The following ANK2 variants were observed in gnomAD, a reference collection of about 807,000 sequenced individuals.
The protein encoded by ANK2 is ankyrin 2.
ANK2 carries 83 observed loss-of-function variants against 360.5 expected under a neutral mutation model. That is an observed-to-expected ratio of 0.23 (90% confidence interval 0.19 to 0.28). The LOEUF is 0.28. Among genes scored for constraint, ANK2 ranks in the 10% least tolerant of loss-of-function variants. The pLI is 1.00. For missense variants in ANK2, 4,201 were observed against 4,795.7 expected (o/e 0.88, Z 3.66); for synonymous variants, 1,740 against 1,759.5 (o/e 0.99, Z 0.28).
rs115994365 is a variant in ANK2 at position 113,220,968 on chromosome 4, C to T, written c.385-11193C>T. Among the ~76,000 whole-genome samples the T allele has an allele frequency of 8.8e-3, 1,347 of 152,252 alleles. 22 individuals carry two copies. The highest frequency in any genetic ancestry group is 0.031 in the African/African-American group (1,271 of 41,540). Reference sequence around the variant, plus strand: ...AAGCTGCTTTCACGAAGTGTATAGGCTACACACAAAGTCAAGGTGAACACA... The same window carrying T: ...AAGCTGCTTTCACGAAGTGTATAGGTTACACACAAAGTCAAGGTGAACACA... On this transcript the variant is annotated intron_variant, in intron 4 of 45. Coordinates refer to ENST00000357077, the MANE Select transcript of ANK2 (RefSeq NM_001148.6).
At chr4:113,190,518 A>G (rs1345172493) in intron 2 of ANK2, among the ~76,000 whole-genome samples, 1 of 152,048 alleles carries the variant, frequency 6.6e-6, no homozygotes, top group Non-Finnish European at 1.5e-5. Context: ...GACATTAAAT[A>G]TCTACAAACC....
At chr4:113,063,694 A>T (rs1345691107) in intron 1 of ANK2, among the ~76,000 whole-genome samples, 1 of 152,194 alleles carries the variant, frequency 6.6e-6, no homozygotes, top group Non-Finnish European at 1.5e-5. Context: ...GAGCTGAATT[A>T]TGAAAAATGA....
the ANK2 span, among the ~76,000 whole-genome samples, chr4:112,810,167 T>A: frequency 0.04 from 1,554 of 39,250 alleles, 2 homozygotes; most frequent in South Asian, 0.068. Flanking sequence ...ATATTTTTTT[T>A]TTTTTTTTTT....
chr4:113,341,223 T>C (rs2094261587), intron 32 of ANK2, among the ~76,000 whole-genome samples: 1 of 152,180 alleles, frequency 6.6e-6, no homozygotes, highest in Admixed American at 6.5e-5. Context: ...GAGGAAAAGC[T>C]GGGTAGATTT....
At chr4:113,243,282 C>T (rs531975004) in intron 9 of ANK2, among the ~76,000 whole-genome samples, 3 of 152,286 alleles carry the variant, frequency 2.0e-5, no homozygotes, top group Non-Finnish European at 4.4e-5. Context: ...TTTTACTTCA[C>T]TTTGTTTAAT....
At chr4:113,157,509 C>A (rs1193627690) in intron 1 of ANK2, among the ~76,000 whole-genome samples, 1 of 152,160 alleles carries the variant, frequency 6.6e-6, no homozygotes, top group African/African-American at 2.4e-5. Context: ...TATAACCATA[C>A]CCTTAAAAGT....
chr4:113,021,807 A>G (rs2058254120), intron 2 of ANK2, among the ~76,000 whole-genome samples: 1 of 152,036 alleles, frequency 6.6e-6, no homozygotes, highest in African/African-American at 2.4e-5. Flanking sequence ...TTGGAATCTA[A>G]AGAATCTAAA....
intron 2 of ANK2, among the ~76,000 whole-genome samples, chr4:113,030,187 T>C (rs1579452974): frequency 6.6e-6 from 1 of 152,172 alleles, no homozygotes; most frequent in East Asian, 1.9e-4. Flanking sequence ...AAAGAGTCAA[T>C]TGTTTATATA....
At chr4:113,013,518 G>A (rs544769919) in intron 2 of ANK2, among the ~76,000 whole-genome samples, 2 of 152,084 alleles carry the variant, frequency 1.3e-5, no homozygotes, top group East Asian at 3.9e-4. Context: ...TAAAATGTAG[G>A]CAGTTTAGAA....
intron 4 of ANK2, among the ~76,000 whole-genome samples, chr4:113,215,884 T>C (rs1255584156): frequency 6.6e-6 from 1 of 152,188 alleles, no homozygotes; most frequent in Non-Finnish European, 1.5e-5. Context: ...TTATCATAAC[T>C]AATATTTTTA....
chr4:113,249,854 A>G lies in ANK2; in HGVS notation c.982A>G (p.Arg328Gly). ...GGAACGGGGTGCCCCCTTGCTGGCAAGGACTAAGGTGAGTCATTATGAGTA... is the reference window on the plus strand; with the variant it reads ...GGAACGGGGTGCCCCCTTGCTGGCAGGGACTAAGGTGAGTCATTATGAGTA... ...LLERGAPLLA[R>G]TKNGLSPLHM... Residue 328 changes from arginine (R) to glycine (G), a missense_variant, in exon 10 of 46, where the codon AGG (arginine) becomes GGG (glycine). Physicochemically the swap from Arg to Gly is moderately radical, Grantham distance 125 (BLOSUM62 -2). Coordinates refer to ENST00000357077, the MANE Select transcript of ANK2 (RefSeq NM_001148.6). The G allele has an allele frequency of 6.2e-7, 1 of 1,614,008 alleles. No homozygotes were observed. The highest frequency in any genetic ancestry group is 8.5e-7 in the Non-Finnish European group (1 of 1,179,980).
intron 1 of ANK2, among the ~76,000 whole-genome samples, chr4:112,839,783 G>A (rs1236481111): frequency 3.3e-5 from 5 of 152,192 alleles, no homozygotes; most frequent in Non-Finnish European, 7.3e-5. Context: ...ATCCATGTCT[G>A]CTCTTTATCC....
At chr4:113,213,271 G>T (rs1032046745) in intron 4 of ANK2, among the ~76,000 whole-genome samples, 3 of 152,168 alleles carry the variant, frequency 2.0e-5, no homozygotes, top group African/African-American at 4.8e-5. Context: ...ATAGTAAAAT[G>T]ATTTTTGAAG....
At chr4:113,187,113 G>A (rs1445352527) in intron 2 of ANK2, among the ~76,000 whole-genome samples, 2 of 151,980 alleles carry the variant, frequency 1.3e-5, no homozygotes, top group African/African-American at 4.8e-5. Flanking sequence ...TCTTTATGCA[G>A]GCTGGAGTGG....
intron 1 of ANK2, among the ~76,000 whole-genome samples, chr4:113,161,295 C>T (rs2097526290): frequency 6.6e-6 from 1 of 152,062 alleles, no homozygotes; most frequent in African/African-American, 2.4e-5. Context: ...GACAGAGTTC[C>T]AACAGAAGAA....
At chr4:112,785,915 A>G in the ANK2 span, among the ~76,000 whole-genome samples, 23 of 152,054 alleles carry the variant, frequency 1.5e-4, no homozygotes, top group African/African-American at 5.1e-4. Context: ...ATCTTGGCTC[A>G]CTGCAGCCTC....
chr4:112,918,196 G>A (rs1220686074), intron 2 of ANK2, among the ~76,000 whole-genome samples: 1 of 152,128 alleles, frequency 6.6e-6, no homozygotes, highest in Admixed American at 6.5e-5. Context: ...GCAGCTTCCT[G>A]GAAAAGTCTT....
At chr4:113,297,765 G>T (rs1040805284) in intron 22 of ANK2, among the ~76,000 whole-genome samples, 1 of 151,786 alleles carries the variant, frequency 6.6e-6, no homozygotes, top group Non-Finnish European at 1.5e-5. Flanking sequence ...TATGATATTT[G>T]TATGTTCTGT....
chr4:113,001,423 C>T (rs2050639942), intron 2 of ANK2, among the ~76,000 whole-genome samples: 1 of 151,540 alleles, frequency 6.6e-6, no homozygotes, highest in African/African-American at 2.4e-5. Flanking sequence ...AGCAAAACCA[C>T]CAAAGGAAAG....
Sources: allele counts gnomAD v4.1 joint callset (sites outside exome capture counted in the v4.1 genomes callset), GRCh38; gene constraint gnomAD v4.1.1; transcripts MANE v1.5; gene names NCBI Gene and HGNC (gene_info 2026-07-23, HGNC 2026-07-21).